The following NETO2 variants were observed in gnomAD, a reference collection of about 807,000 sequenced individuals.
NETO2 encodes the protein neuropilin and tolloid like 2, also known as neuropilin and tolloid-like protein 2.
NETO2 carries 28 observed loss-of-function variants against 62.5 expected under a neutral mutation model. The observed-to-expected ratio is 0.45, with a 90% CI of 0.33 to 0.61. The LOEUF is 0.61. Ranked by LOEUF, NETO2 falls within the 20% of genes least tolerant of loss-of-function variation. The pLI, the probability that NETO2 is intolerant of heterozygous loss-of-function variation, is 0.02. For synonymous variants in NETO2, 214 were observed against 219.1 expected (o/e 0.98, Z 0.21); for missense variants, 548 against 643.2 (o/e 0.85, Z 1.60).
intron 7 of NETO2, among the ~76,000 whole-genome samples, chr16:47,106,782 A>T (rs1367578290): frequency 2.8e-5 from 4 of 144,778 alleles, no homozygotes; most frequent in Non-Finnish European, 6.1e-5. Flanking sequence ...CCAGGATATA[A>T]TTTTTTTTTT....
intron 7 of NETO2, among the ~76,000 whole-genome samples, chr16:47,092,328 G>C (rs983183976): frequency 9.2e-5 from 14 of 152,164 alleles, no homozygotes; most frequent in African/African-American, 3.4e-4. Flanking sequence ...GGGTTCTAGA[G>C]TCCTTCCAGC....
At chr16:47,100,129 T>A (rs1459744876) in intron 7 of NETO2, among the ~76,000 whole-genome samples, 2 of 152,082 alleles carry the variant, frequency 1.3e-5, no homozygotes, top group African/African-American at 4.8e-5. Flanking sequence ...AACAGTGCAA[T>A]CAAATTAGAA....
chr16:47,115,716 T>TATATATATATAC (rs1181380170), intron 6 of NETO2, among the ~76,000 whole-genome samples: 1,781 of 127,482 alleles, frequency 0.014, 23 homozygotes, highest in African/African-American at 0.024. Flanking sequence ...TATATATACA[T>TATATATATATAC]ATATATATAT....
At chr16:47,137,154 T>C (rs1239178709) in intron 1 of NETO2, among the ~76,000 whole-genome samples, 2 of 152,204 alleles carry the variant, frequency 1.3e-5, no homozygotes, top group African/African-American at 4.8e-5. Context: ...CTCAAAAATG[T>C]GCAAATCCCA....
At chr16:47,106,336 G>A (rs1296338885) in intron 7 of NETO2, among the ~76,000 whole-genome samples, 6 of 152,148 alleles carry the variant, frequency 3.9e-5, no homozygotes, top group Admixed American at 1.3e-4. Context: ...CATGGGTATA[G>A]AGTTTCAGTT....
intron 1 of NETO2, among the ~76,000 whole-genome samples, chr16:47,140,030 C>T (rs1964432011): frequency 6.6e-6 from 1 of 152,210 alleles, no homozygotes. Flanking sequence ...TTAGAAAGGA[C>T]TGAACTTTCA....
chr16:47,131,110 A>C (rs886369798), intron 2 of NETO2, among the ~76,000 whole-genome samples: 3 of 152,138 alleles, frequency 2.0e-5, no homozygotes, highest in African/African-American at 7.2e-5. Context: ...GATAAAATTC[A>C]GCTGAATGAG....
intron 7 of NETO2, among the ~76,000 whole-genome samples, chr16:47,088,691 C>T (rs1567379444): frequency 6.6e-6 from 1 of 152,052 alleles, no homozygotes; most frequent in Non-Finnish European, 1.5e-5. Context: ...AAAACAGCCA[C>T]GAGCATTATT....
At position 47,129,344 on chromosome 16, in the gene NETO2, T is replaced by C. The variant is rs1351587608; in HGVS notation, c.112A>G (p.Lys38Glu). ...KTQDGQNIGI[K>E]HIPATQCGIW... Reference sequence around the variant, plus strand: ...CCACACTGGGTTGCAGGAATATGCTTGATTCCAATATTTTGTCCATCTTAG... The same window carrying C: ...CCACACTGGGTTGCAGGAATATGCTCGATTCCAATATTTTGTCCATCTTAG... The change falls in exon 3 of 9, where the codon AAG becomes GAG. Residue 38 changes from lysine to glutamate, a missense_variant. By Grantham distance (56) the Lys-to-Glu change is moderately conservative (BLOSUM62 1). Transcript: ENST00000562435. 1.2e-6 allele frequency: 2 copies of C among 1,613,868 alleles called. No individual in the cohort carries two copies. Among genetic ancestry groups the C allele is most frequent in the African/African-American group, 1.3e-5 (1 of 74,922 alleles).
intron 1 of NETO2, among the ~76,000 whole-genome samples, chr16:47,135,855 T>C (rs1964353567): frequency 6.6e-6 from 1 of 152,196 alleles, no homozygotes. Context: ...TTATTATTTA[T>C]AGATTTCAAT....
chr16:47,118,383 C>T (rs1381452246), intron 6 of NETO2, among the ~76,000 whole-genome samples: 1 of 152,206 alleles, frequency 6.6e-6, no homozygotes, highest in Non-Finnish European at 1.5e-5. Flanking sequence ...TAGTGCTTCC[C>T]TGCTCTAGTT....
rs1424812387 is a variant in NETO2 at position 47,128,415 on chromosome 16, T to G, written c.391A>C (p.Arg131=). ...ATCCACATGAATCTCCCTGTTGATC[T>G]AATTAATGGAGGGCTTTTCACGCCA... is the stretch of plus-strand genomic sequence containing the variant. The part of the protein sequence containing the change: ...YCGVKSPPLI[R]STGRFMWIKF... Residue 131 remains arginine, a synonymous_variant, in exon 4 of 9, where the codon AGA becomes CGA. Coordinates refer to ENST00000562435, the MANE Select transcript of NETO2 (RefSeq NM_018092.5). The G allele has an allele frequency of 6.2e-7, 1 of 1,614,116 alleles. No individual in the cohort carries two copies. The highest frequency in any genetic ancestry group is 1.1e-5 in the South Asian group (1 of 91,084).
intron 6 of NETO2, among the ~76,000 whole-genome samples, chr16:47,113,505 T>G (rs535528391): frequency 6.6e-6 from 1 of 152,248 alleles, no homozygotes; most frequent in South Asian, 2.1e-4. Context: ...ATGATGCATT[T>G]GGGGTTACTG....
intron 7 of NETO2, among the ~76,000 whole-genome samples, chr16:47,090,476 C>G (rs183982880): frequency 1.3e-5 from 2 of 152,220 alleles, no homozygotes; most frequent in Admixed American, 1.3e-4. Flanking sequence ...TAAAAAAAGA[C>G]AGCAAAAATA....
At chr16:47,123,489 A>G (rs1416698052) in intron 4 of NETO2, among the ~76,000 whole-genome samples, 1 of 152,162 alleles carries the variant, frequency 6.6e-6, no homozygotes, top group African/African-American at 2.4e-5. Context: ...CTAGGTGACA[A>G]AATGAGTCTT....
chr16:47,122,406 C>A (rs918806738), intron 6 of NETO2, among the ~76,000 whole-genome samples: 2 of 152,108 alleles, frequency 1.3e-5, no homozygotes, highest in Admixed American at 6.6e-5. Flanking sequence ...GAATCTTAAT[C>A]TTTTATAATT....
At chr16:47,133,809 T>A (rs184986112) in intron 1 of NETO2, among the ~76,000 whole-genome samples, 1 of 152,174 alleles carries the variant, frequency 6.6e-6, no homozygotes, top group Non-Finnish European at 1.5e-5. Context: ...TTGAATGGCA[T>A]GCTAAAAAGT....
At position 47,083,207 on chromosome 16, in the gene NETO2, C is replaced by A. The variant is rs1322513515; in HGVS notation, c.*14G>T. ...GTACACACCCTAAGAATTCACATCA[C>A]CATTAGCAGAAGATTAGAAGTCAAT... On this transcript the variant is annotated 3_prime_UTR_variant, in exon 9 of 9. Transcript: ENST00000562435. The A allele has an allele frequency of 1.1e-5, 17 of 1,591,940 alleles. No individual in the cohort carries two copies. Among genetic ancestry groups the A allele is most frequent in the Non-Finnish European group, 1.4e-5 (16 of 1,167,956 alleles).
At chr16:47,105,078 T>C (rs1963644223) in intron 7 of NETO2, among the ~76,000 whole-genome samples, 1 of 151,868 alleles carries the variant, frequency 6.6e-6, no homozygotes, top group Non-Finnish European at 1.5e-5. Context: ...TTTTGCTATG[T>C]TGACCAGGCT....
Sources: gnomAD v4.1 joint callset for allele counts (sites outside exome capture counted in the v4.1 genomes callset) on GRCh38, gnomAD v4.1.1 for gene constraint, MANE v1.5 for transcripts, NCBI Gene and HGNC (gene_info 2026-07-23, HGNC 2026-07-21) for gene names.